The following TRDN variants were observed in gnomAD, a reference collection of about 807,000 sequenced individuals.
TRDN encodes triadin in skeletal muscle.
In TRDN, 161 loss-of-function variants were observed where a neutral mutation model predicts 149.7. The observed-to-expected ratio is 1.08, with a 90% CI of 0.95 to 1.23. The LOEUF (loss-of-function observed/expected upper bound fraction) is 1.23. Among genes scored for constraint, TRDN ranks in the 50% most tolerant of loss-of-function variants. The pLI, the probability that TRDN is intolerant of heterozygous loss-of-function variation, is 0.00. For missense variants in TRDN, 896 were observed against 823.5 expected (o/e 1.09, Z -1.08); for synonymous variants, 294 against 250.5 (o/e 1.17, Z -1.64).
At chr6:123,431,149 G>A (rs376593503) in intron 12 of TRDN, among the ~76,000 whole-genome samples, 2 of 152,146 alleles carry the variant, frequency 1.3e-5, no homozygotes, top group Admixed American at 6.5e-5. Flanking sequence ...CAGTCAAGAC[G>A]CTGTCATCTG....
chr6:123,396,792 A>G (rs1562293906), intron 12 of TRDN, among the ~76,000 whole-genome samples: 1 of 152,220 alleles, frequency 6.6e-6, no homozygotes, highest in African/African-American at 2.4e-5. Context: ...ATTTTTGCAC[A>G]GAGATTTAAA....
chr6:123,366,327 T>A, intron 19 of TRDN, 145 bp from the exon 20 acceptor site: 1 of 648,708 alleles, frequency 1.5e-6, no homozygotes, highest in Non-Finnish European at 2.6e-6. Flanking sequence ...AAATACAAAG[T>A]GCTTATATGA....
At chr6:123,501,869 T>C in intron 8 of TRDN, 2 of 952,726 alleles carry the variant, frequency 2.1e-6, no homozygotes, top group Non-Finnish European at 2.5e-6. Context: ...TGATTACTGA[T>C]AGAAATGAAA....
At chr6:123,247,653 T>C (rs796081294) in intron 38 of TRDN, among the ~76,000 whole-genome samples, 11 of 152,230 alleles carry the variant, frequency 7.2e-5, no homozygotes, top group African/African-American at 2.6e-4. Flanking sequence ...AGAATCAATA[T>C]CGTTAAAATG....
chr6:123,281,480 T>A (rs1231712673), intron 24 of TRDN, among the ~76,000 whole-genome samples: 5 of 152,012 alleles, frequency 3.3e-5, no homozygotes, highest in African/African-American at 9.7e-5. Flanking sequence ...TGGCTAAATG[T>A]AAGGATAAAA....
chr6:123,310,317 A>T (rs966788757), intron 24 of TRDN, among the ~76,000 whole-genome samples: 2 of 152,030 alleles, frequency 1.3e-5, no homozygotes, highest in African/African-American at 2.4e-5. Flanking sequence ...GGTACTATAG[A>T]TTGAGGTCTG....
chr6:123,364,146 C>G (rs141155160), intron 20 of TRDN, among the ~76,000 whole-genome samples: 17 of 152,246 alleles, frequency 1.1e-4, no homozygotes, highest in African/African-American at 3.6e-4. Flanking sequence ...AGGAAGCTGC[C>G]CAATTCATGA....
At chr6:123,334,295 G>A (rs1779781594) in intron 22 of TRDN, among the ~76,000 whole-genome samples, 1 of 151,966 alleles carries the variant, frequency 6.6e-6, no homozygotes, top group African/African-American at 2.4e-5. Flanking sequence ...ACACAGACGT[G>A]GGGGGCAAAA....
intron 8 of TRDN, among the ~76,000 whole-genome samples, chr6:123,497,704 C>A (rs927539934): frequency 1.3e-5 from 2 of 152,128 alleles, no homozygotes; most frequent in Non-Finnish European, 2.9e-5. Context: ...CTCTATGGAG[C>A]AGCAGAATGT....
chr6:123,419,402 G>A (rs1163675879), intron 12 of TRDN, among the ~76,000 whole-genome samples: 2 of 151,956 alleles, frequency 1.3e-5, no homozygotes, highest in African/African-American at 4.8e-5. Flanking sequence ...TTAGAGACAG[G>A]GTCTCACTCT....
In TRDN at chr6:123,406,283, A is replaced by G. The variant is rs114440563; in HGVS notation, c.1052-12606T>C. Among the ~76,000 whole-genome samples, 241 of 152,216 alleles carry G rather than the reference A, an allele frequency of 1.6e-3. 1 individual carries two copies. The highest frequency in any genetic ancestry group is 5.4e-3 in the African/African-American group (224 of 41,546). On this transcript the variant is annotated intron_variant, in intron 12 of 40. Transcript: ENST00000334268. ...TCAGAAAGTATCTCCAATATACTGA[A>G]AAGCTCACTCTACACTATTATTTGA...
intron 5 of TRDN, among the ~76,000 whole-genome samples, chr6:123,524,216 A>T (rs1779826290): frequency 6.6e-6 from 1 of 152,184 alleles, no homozygotes; most frequent in Non-Finnish European, 1.5e-5. Flanking sequence ...AGGACAAAGA[A>T]TACAGACAGG....
chr6:123,603,930 C>T (rs1376890545), intron 1 of TRDN, among the ~76,000 whole-genome samples: 3 of 152,250 alleles, frequency 2.0e-5, no homozygotes, highest in East Asian at 1.9e-4. Flanking sequence ...GTACTCACCC[C>T]TACTGATATT....
chr6:123,351,401 G>A, intron 21 of TRDN: 1 of 984,640 alleles, frequency 1.0e-6, no homozygotes, highest in South Asian at 4.7e-5. Flanking sequence ...CTGAAATTAG[G>A]ATCCAGTGCT....
intron 10 of TRDN, chr6:123,441,222 A>G (rs1051774446): frequency 1.3e-5 from 2 of 152,178 alleles, no homozygotes; most frequent in African/African-American, 4.8e-5. Flanking sequence ...GGATATAAAA[A>G]TAACCCATGT....
intron 5 of TRDN, among the ~76,000 whole-genome samples, chr6:123,519,727 C>CA (rs549575718): frequency 0.088 from 12,400 of 140,354 alleles, 1,228 homozygotes; most frequent in African/African-American, 0.25. Context: ...AGTACCCAAC[C>CA]AAAAAAAAAA....
rs148862848 is a variant in TRDN, at chr6:123,378,612, G to A, written c.1187-714C>T. ...GATTACAGGCATGAGCCACAGCACC[G>A]CAGCTTATTGCAGTTATTTTAAAAT... On this transcript the variant is annotated intron_variant, in intron 16 of 40. Coordinates refer to ENST00000334268, the MANE Select transcript of TRDN (RefSeq NM_006073.4). 2.3e-4 allele frequency among the ~76,000 whole-genome samples: 35 copies of A among 152,130 alleles called. No individual in the cohort carries two copies. In the East Asian group the frequency reaches 3.7e-3, roughly 16 times the overall value.
At chr6:123,334,142 A>G (rs1779774204) in intron 22 of TRDN, among the ~76,000 whole-genome samples, 1 of 152,000 alleles carries the variant, frequency 6.6e-6, no homozygotes, top group Non-Finnish European at 1.5e-5. Context: ...CCTTAATTCT[A>G]GCTTTGAATT....
intron 38 of TRDN, among the ~76,000 whole-genome samples, chr6:123,243,200 G>C (rs1476715455): frequency 2.0e-5 from 3 of 152,088 alleles, no homozygotes; most frequent in Non-Finnish European, 2.9e-5. Flanking sequence ...CAGGCCCACA[G>C]CTGTCACCAG....
Sources: gnomAD v4.1 joint callset for allele counts (sites outside exome capture counted in the v4.1 genomes callset) on GRCh38, gnomAD v4.1.1 for gene constraint, MANE v1.5 for transcripts, NCBI Gene and HGNC (gene_info 2026-07-23, HGNC 2026-07-21) for gene names.